CTXND2: variants seen among roughly 807,000 people sequenced by gnomAD.
CTXND2 encodes cortexin domain containing 2.
intron 1 of CTXND2, among the ~76,000 whole-genome samples, chr1:150,911,670 T>C (rs1669259721): frequency 6.6e-6 from 1 of 152,064 alleles, no homozygotes; most frequent in South Asian, 2.1e-4. Context: ...TGACTTCTGG[T>C]GATCTACCTG....
intron 1 of CTXND2, among the ~76,000 whole-genome samples, chr1:150,900,915 G>T (rs1213725114): frequency 6.6e-6 from 1 of 152,108 alleles, no homozygotes; most frequent in Non-Finnish European, 1.5e-5. Flanking sequence ...AGGAGTTCGA[G>T]ACCAGCTTGG....
intron 1 of CTXND2, among the ~76,000 whole-genome samples, chr1:150,905,913 C>T (rs1056282360): frequency 2.0e-5 from 3 of 151,240 alleles, no homozygotes; most frequent in Admixed American, 2.0e-4. Flanking sequence ...TGGCGTGAAC[C>T]CGGGAGGCGG....
chr1:150,897,653 G>A (rs1179375889), intron 1 of CTXND2, among the ~76,000 whole-genome samples: 1 of 152,200 alleles, frequency 6.6e-6, no homozygotes, highest in Non-Finnish European at 1.5e-5. Flanking sequence ...TACAGGGAGT[G>A]AGAAATCACT....
intron 1 of CTXND2, among the ~76,000 whole-genome samples, chr1:150,899,798 A>G (rs1355257168): frequency 1.3e-5 from 2 of 152,182 alleles, no homozygotes; most frequent in Non-Finnish European, 2.9e-5. Context: ...TCTACTAAAA[A>G]TACAAAACAC....
intron 1 of CTXND2, among the ~76,000 whole-genome samples, chr1:150,891,148 A>G (rs1270087904): frequency 1.3e-5 from 2 of 152,144 alleles, no homozygotes; most frequent in African/African-American, 2.4e-5. Context: ...ATAGAAGAAT[A>G]TCAGGTTAAT....
intron 1 of CTXND2, among the ~76,000 whole-genome samples, chr1:150,890,798 T>C (rs1196227036): frequency 1.3e-5 from 2 of 152,086 alleles, no homozygotes; most frequent in Non-Finnish European, 2.9e-5. Flanking sequence ...CCACCGCGCC[T>C]GGCCCAATGT....
At chr1:150,908,814 A>G (rs2102604174) in intron 1 of CTXND2, among the ~76,000 whole-genome samples, 1 of 151,924 alleles carries the variant, frequency 6.6e-6, no homozygotes, top group East Asian at 2.0e-4. Flanking sequence ...TTAAGAAACA[A>G]GGTATCTCCT....
intron 1 of CTXND2, among the ~76,000 whole-genome samples, chr1:150,887,970 C>T (rs1162721415): frequency 6.6e-6 from 1 of 151,866 alleles, no homozygotes; most frequent in Non-Finnish European, 1.5e-5. Flanking sequence ...CCAAATTTAA[C>T]ATAAACCAAT....
exon 2 of CTXND2, chr1:150,912,266 C>T: frequency 2.5e-6 from 1 of 398,462 alleles, no homozygotes; most frequent in South Asian, 1.3e-4. Context: ...TGAAGCTATA[C>T]CTGAGGAATT....
chr1:150,905,103 CAA>C (rs1553235751), intron 1 of CTXND2, among the ~76,000 whole-genome samples: 1 of 134,700 alleles, frequency 7.4e-6, no homozygotes, highest in Non-Finnish European at 1.6e-5. Flanking sequence ...CACACACACA[CAA>C]ATCACCCTTC....
In CTXND2 at chr1:150,900,460, G is replaced by C. The variant is rs142946057; in HGVS notation, c.-73-11782G>C. Among the ~76,000 whole-genome samples, 288 of 152,296 alleles carry C rather than the reference G, an allele frequency of 1.9e-3. 1 individual carries two copies. Among genetic ancestry groups the C allele is most frequent in the African/African-American group, 6.5e-3 (271 of 41,550 alleles). On this transcript the variant is annotated intron_variant, in intron 1 of 1. Coordinates refer to ENST00000636087, the Ensembl canonical transcript of CTXND2. ...CTCACCGTGAGGGTCTGCAGCTTCA[G>C]TCTTGAAGTCAGTGAGACCAAGAAC...
chr1:150,907,883 G>T (rs587607293), intron 1 of CTXND2, among the ~76,000 whole-genome samples: 51 of 151,930 alleles, frequency 3.4e-4, no homozygotes, highest in African/African-American at 1.2e-3. Flanking sequence ...CTAATTTTTT[G>T]TATTTTTAGT....
chr1:150,909,400 A>G (rs898578876), intron 1 of CTXND2, among the ~76,000 whole-genome samples: 7 of 151,438 alleles, frequency 4.6e-5, no homozygotes, highest in Admixed American at 1.3e-4. Flanking sequence ...CAAACAAACA[A>G]AAAACAATTA....
chr1:150,892,669 G>T (rs1486727084), intron 1 of CTXND2, among the ~76,000 whole-genome samples: 1 of 151,772 alleles, frequency 6.6e-6, no homozygotes, highest in Non-Finnish European at 1.5e-5. Context: ...CTCCCAAGTA[G>T]CTGGGACTAC....
At chr1:150,902,564 T>C (rs1054352391) in intron 1 of CTXND2, among the ~76,000 whole-genome samples, 1 of 152,034 alleles carries the variant, frequency 6.6e-6, no homozygotes, top group East Asian at 1.9e-4. Flanking sequence ...ATGAATGAGA[T>C]TCATCACCTA....
intron 1 of CTXND2, among the ~76,000 whole-genome samples, chr1:150,895,119 A>C (rs895823485): frequency 6.6e-6 from 1 of 151,762 alleles, no homozygotes; most frequent in Non-Finnish European, 1.5e-5. Flanking sequence ...ATAGCTATAA[A>C]ATTTTATAGA....
At chr1:150,906,084 A>T (rs968188190) in intron 1 of CTXND2, among the ~76,000 whole-genome samples, 1 of 151,994 alleles carries the variant, frequency 6.6e-6, no homozygotes, top group East Asian at 1.9e-4. Context: ...GGGTTGCTTG[A>T]GCCCAGGAGT....
intron 1 of CTXND2, among the ~76,000 whole-genome samples, chr1:150,906,681 G>A (rs962396263): frequency 3.3e-5 from 5 of 152,174 alleles, no homozygotes; most frequent in Non-Finnish European, 1.5e-5. Context: ...AGGGTTTATA[G>A]GTACCTTGGC....
chr1:150,903,126 C>G (rs1156789332), intron 1 of CTXND2, among the ~76,000 whole-genome samples: 1 of 152,120 alleles, frequency 6.6e-6, no homozygotes, highest in Non-Finnish European at 1.5e-5. Flanking sequence ...CAGAAATAGT[C>G]TCCTTTTAAT....
Sources: allele counts gnomAD v4.1 joint callset (sites outside exome capture counted in the v4.1 genomes callset), GRCh38; gene constraint gnomAD v4.1.1; transcripts MANE v1.5; gene names NCBI Gene and HGNC (gene_info 2026-07-23, HGNC 2026-07-21).